The following RIN2 variants were observed in gnomAD, a reference collection of about 807,000 sequenced individuals.
RIN2 encodes RAB5 interacting protein 2.
In RIN2, 36 loss-of-function variants were observed where a neutral mutation model predicts 78.0. The ratio of observed to expected loss-of-function variants is 0.46; its 90% CI spans 0.35 to 0.61. RIN2 has a LOEUF of 0.61. RIN2 is among the 20% of genes least tolerant of loss of function. RIN2 has a pLI of 0.00. For synonymous variants in RIN2, 466 were observed against 466.8 expected (o/e 1.00, Z 0.02); for missense variants, 1,087 against 1,159.7 (o/e 0.94, Z 0.91).
chr20:19,840,229 G>A (rs1016979335), intron 2 of RIN2, among the ~76,000 whole-genome samples: 1 of 152,190 alleles, frequency 6.6e-6, no homozygotes, highest in Non-Finnish European at 1.5e-5. Flanking sequence ...TCACACAAAG[G>A]TTTGCCAGTG....
intron 2 of RIN2, among the ~76,000 whole-genome samples, chr20:19,851,253 C>A (rs555557741): frequency 6.6e-6 from 1 of 151,958 alleles, no homozygotes; most frequent in Non-Finnish European, 1.5e-5. Context: ...GGGGAAGGGA[C>A]CCCAGTGGTG....
chr20:19,942,440 A>T (rs2040917168), intron 4 of RIN2, among the ~76,000 whole-genome samples: 1 of 152,216 alleles, frequency 6.6e-6, no homozygotes, highest in Non-Finnish European at 1.5e-5. Context: ...GAAGTTTTTT[A>T]AAAGAAACAT....
chr20:19,980,074 G>C lies in RIN2; in HGVS notation c.1762+4287G>C, dbSNP rs1026999522. ...AAAAAAAAAAAAAAAAAACTCTTCT[G>C]AGAGGTGTAGCCAGGGAGGCATGTT... On this transcript the variant is annotated intron_variant, in intron 9 of 12. Coordinates refer to ENST00000255006, the MANE Select transcript of RIN2 (RefSeq NM_018993.4). Among the ~76,000 whole-genome samples the C allele has an allele frequency of 5.6e-5, 8 of 142,156 alleles. No individual in the cohort carries two copies. In the East Asian group the frequency reaches 1.4e-3, roughly 25 times the overall value. The allele number at this position is 142,156 out of a possible 152,430, so 93.3% of individuals were successfully genotyped here.
intron 2 of RIN2, among the ~76,000 whole-genome samples, chr20:19,804,745 A>G (rs1277159914): frequency 6.6e-6 from 1 of 152,132 alleles, no homozygotes; most frequent in African/African-American, 2.4e-5. Context: ...CTCCTTTTCA[A>G]TTGTTTGGAA....
At chr20:19,999,290 T>G (rs182136293) in intron 12 of RIN2, among the ~76,000 whole-genome samples, 1 of 151,720 alleles carries the variant, frequency 6.6e-6, no homozygotes, top group African/African-American at 2.4e-5. Context: ...AAAAAAAAGG[T>G]TCAAAGAGTG....
chr20:19,846,508 C>G lies in RIN2; in HGVS notation c.-36-43058C>G, dbSNP rs146366503. On this transcript the variant is annotated intron_variant, in intron 2 of 12. Transcript: ENST00000255006. ...TAGCAATTGTGAATGGGAGTTCACT[C>G]ATGATTTGGCTCTCTATTATTGGTG... Among the ~76,000 whole-genome samples the G allele has an allele frequency of 4.6e-5, 7 of 152,250 alleles. 1 individual carries two copies. The East Asian group carries it at 1.3e-3, about 29-fold the overall frequency.
intron 7 of RIN2, among the ~76,000 whole-genome samples, chr20:19,969,966 A>C (rs9973990): frequency 0.22 from 32,878 of 152,134 alleles, 4,010 homozygotes; most frequent in African/African-American, 0.34. Context: ...TGCCTTTGCC[A>C]TTTCCAAGAA....
intron 3 of RIN2, 127 bp from the exon 4 acceptor site, chr20:19,934,972 A>G: frequency 1.5e-6 from 1 of 646,690 alleles, no homozygotes; most frequent in Admixed American, 3.2e-5. Flanking sequence ...AAGATTAAAA[A>G]AAAAAAAAAA....
chr20:19,828,265 A>G (rs1368269624), intron 2 of RIN2, among the ~76,000 whole-genome samples: 1 of 152,222 alleles, frequency 6.6e-6, no homozygotes, highest in African/African-American at 2.4e-5. Context: ...TAAGGATGAC[A>G]TAAGAATTTC....
At chr20:19,868,128 G>T (rs1157852845) in intron 2 of RIN2, among the ~76,000 whole-genome samples, 1 of 152,212 alleles carries the variant, frequency 6.6e-6, no homozygotes, top group Non-Finnish European at 1.5e-5. Context: ...TTGGTGACGT[G>T]ATATTTATGC....
At chr20:19,990,647 T>G (rs1324122271) in intron 10 of RIN2, among the ~76,000 whole-genome samples, 1 of 152,102 alleles carries the variant, frequency 6.6e-6, no homozygotes. Context: ...TTTGGCCCCC[T>G]TAATCAACCT....
At chr20:19,789,749 G>C (rs2034829951) in intron 1 of RIN2, among the ~76,000 whole-genome samples, 1 of 152,112 alleles carries the variant, frequency 6.6e-6, no homozygotes, top group Non-Finnish European at 1.5e-5. Context: ...CATCCCCATG[G>C]GTTGTTGTTC....
chr20:19,972,933 A>C (rs2146309853), intron 8 of RIN2, among the ~76,000 whole-genome samples: 1 of 152,358 alleles, frequency 6.6e-6, no homozygotes, highest in African/African-American at 2.4e-5. Context: ...ATATATCCAA[A>C]ACATTATAAT....
At chr20:19,873,994 T>C (rs1211609748) in intron 2 of RIN2, among the ~76,000 whole-genome samples, 1 of 152,216 alleles carries the variant, frequency 6.6e-6, no homozygotes, top group Non-Finnish European at 1.5e-5. Flanking sequence ...ACCTTCTTGT[T>C]TCAGCTCTCA....
intron 12 of RIN2, among the ~76,000 whole-genome samples, chr20:19,999,351 C>T (rs1379794802): frequency 6.6e-6 from 1 of 152,188 alleles, no homozygotes; most frequent in Admixed American, 6.5e-5. Flanking sequence ...TGCAAAGTCA[C>T]TGGGCTAGCA....
At chr20:19,853,061 T>A (rs537907446) in intron 2 of RIN2, among the ~76,000 whole-genome samples, 80 of 125,054 alleles carry the variant, frequency 6.4e-4, no homozygotes, top group African/African-American at 2.3e-3. Flanking sequence ...GGCCCCAGTG[T>A]GTGATGTTCC....
At chr20:19,844,589 TG>T (rs2036677513) in intron 2 of RIN2, among the ~76,000 whole-genome samples, 2 of 138,946 alleles carry the variant, frequency 1.4e-5, no homozygotes, top group African/African-American at 5.3e-5. Flanking sequence ...CTGCTGCTGC[TG>T]CTGCTTCTTC....
intron 3 of RIN2, among the ~76,000 whole-genome samples, chr20:19,903,830 A>G (rs1047962474): frequency 2.0e-5 from 3 of 152,214 alleles, no homozygotes; most frequent in Non-Finnish European, 4.4e-5. Context: ...GAAAGCAAGA[A>G]GACTGTGATC....
Position 19,970,921 on chromosome 20 carries a change from T to C in RIN2, c.620T>C (p.Met207Thr). 1 of 1,611,888 alleles carries C rather than the reference T, an allele frequency of 6.2e-7. No homozygotes were observed. Among genetic ancestry groups the C allele is most frequent in the South Asian group, 1.1e-5 (1 of 90,426 alleles). The change falls in exon 8 of 13, where the codon ATG becomes ACG. Residue 207 changes from methionine to threonine, a missense_variant. By Grantham distance (81) the Met-to-Thr change is moderately conservative. This residue lies in a region of RIN2 where 706 missense variants were observed against 667.5 expected (regional missense o/e 1.06). Coordinates refer to ENST00000255006, the MANE Select transcript of RIN2 (RefSeq NM_018993.4). ...SEAQLEELAQ[M>T]GLNFWSSPAD... ...GCTCAGCTTGAAGAACTGGCCCAGA[T>C]GGGACTAAGTAAGTGTGTGCCCCCT...
Sources: gnomAD v4.1 joint callset for allele counts (sites outside exome capture counted in the v4.1 genomes callset) on GRCh38, gnomAD v4.1.1 for gene constraint, gnomAD v4.1.1 regional missense constraint, MANE v1.5 for transcripts, NCBI Gene and HGNC (gene_info 2026-07-23, HGNC 2026-07-21) for gene names.